The following MGAT4C variants were observed in gnomAD, a reference collection of about 807,000 sequenced individuals.
The protein encoded by MGAT4C is alpha-1,3-mannosyl-glycoprotein 4-beta-N-acetylglucosaminyltransferase C.
A neutral mutation model predicts 40.1 loss-of-function variants in MGAT4C; 19 were observed. The observed-to-expected ratio is 0.47, with a 90% CI of 0.33 to 0.70. The LOEUF (loss-of-function observed/expected upper bound fraction) is 0.70, where lower values mean the gene tolerates loss of function less well. Ranked by LOEUF, MGAT4C falls within the 30% of genes least tolerant of loss-of-function variation. The pLI is 0.02. For missense variants in MGAT4C, 491 were observed against 563.2 expected (o/e 0.87, Z 1.30); for synonymous variants, 181 against 187.1 (o/e 0.97, Z 0.27).
At chr12:86,377,794 T>G (rs1021338098) in intron 3 of MGAT4C, among the ~76,000 whole-genome samples, 1 of 152,150 alleles carries the variant, frequency 6.6e-6, no homozygotes, top group South Asian at 2.1e-4. Flanking sequence ...TCACTACCCA[T>G]CTTGAGAACT....
intron 2 of MGAT4C, among the ~76,000 whole-genome samples, chr12:86,023,605 C>T (rs550182650): frequency 3.0e-4 from 36 of 121,482 alleles, no homozygotes; most frequent in East Asian, 4.0e-4. Context: ...TAAATACTTA[C>T]GTAATCATAT....
chr12:86,012,782 ACCACC>A (rs1565857886), intron 2 of MGAT4C, among the ~76,000 whole-genome samples: 16,490 of 135,210 alleles, frequency 0.12, 1,018 homozygotes, highest in Non-Finnish European at 0.16. Flanking sequence ...AACAACAACC[ACCACC>A]ACCACCACCA....
intron 2 of MGAT4C, among the ~76,000 whole-genome samples, chr12:86,638,854 G>A (rs1057133332): frequency 1.3e-5 from 2 of 151,670 alleles, no homozygotes; most frequent in African/African-American, 4.8e-5. Context: ...TTTCTGCACT[G>A]CTGTGAAACT....
intron 2 of MGAT4C, among the ~76,000 whole-genome samples, chr12:86,707,661 G>A (rs978509554): frequency 2.0e-5 from 3 of 151,782 alleles, no homozygotes; most frequent in African/African-American, 7.3e-5. Flanking sequence ...CTCCCAAGTA[G>A]CTGGGGTTAC....
intron 4 of MGAT4C, among the ~76,000 whole-genome samples, chr12:86,281,425 GATAGAA>G (rs1161836640): frequency 1.3e-5 from 2 of 151,780 alleles, no homozygotes; most frequent in Non-Finnish European, 2.9e-5. Context: ...TATGGATGTA[GATAGAA>G]ATAGAGATAT....
chr12:86,331,159 C>T (rs972832652), intron 4 of MGAT4C, among the ~76,000 whole-genome samples: 1 of 152,034 alleles, frequency 6.6e-6, no homozygotes, highest in Non-Finnish European at 1.5e-5. Flanking sequence ...GGAAGAGGGC[C>T]AAGCAGGCAA....
chr12:86,707,360 AG>A (rs1950476174), intron 2 of MGAT4C, among the ~76,000 whole-genome samples: 1 of 152,098 alleles, frequency 6.6e-6, no homozygotes, highest in African/African-American at 2.4e-5. Context: ...GTATAGGCTG[AG>A]GTGGTCTCAG....
Position 86,347,123 on chromosome 12 carries a change from C to T in MGAT4C, c.-119-12996G>A, listed in dbSNP as rs116597388. The stretch of plus-strand genomic sequence containing the variant: ...GCCTCTTTGCTCCTTAAATTGCAGA[C>T]GGCCTATGGTGGGACTTTACCTGTT... On this transcript the variant is annotated intron_variant, in intron 3 of 7. Transcript: ENST00000548651. 5.3e-3 allele frequency among the ~76,000 whole-genome samples: 812 copies of T among 152,206 alleles called. 5 individuals carry two copies. Among genetic ancestry groups the T allele is most frequent in the African/African-American group, 0.018 (759 of 41,538 alleles).
intron 3 of MGAT4C, among the ~76,000 whole-genome samples, chr12:86,417,770 A>G (rs1956745623): frequency 6.6e-6 from 1 of 152,104 alleles, no homozygotes; most frequent in South Asian, 2.1e-4. Flanking sequence ...TTCTTTTAAT[A>G]AGAATATTAA....
rs1269652019 is a variant in MGAT4C, at chr12:85,974,987, A to C, written c.*4302T>G. 1.3e-5 allele frequency: 2 copies of C among 150,730 alleles called. No homozygotes were observed. Among genetic ancestry groups the C allele is most frequent in the South Asian group, 4.1e-4 (2 of 4,826 alleles). 9.3% of individuals were successfully genotyped at this position (150,730 alleles called of 1,614,324 possible). A position where few individuals can be genotyped will look rare whatever the true frequency, so the allele number is the denominator to read the frequency against. On this transcript the variant is annotated 3_prime_UTR_variant, in exon 5 of 5. Transcript: ENST00000611864. ...GACTGCATTTCTGAGCTTAAGGTAG[A>C]TTCTAAACAACATCTTAGAAACTAG...
intron 2 of MGAT4C, among the ~76,000 whole-genome samples, chr12:86,488,188 T>A (rs940834881): frequency 2.0e-5 from 3 of 151,686 alleles, no homozygotes; most frequent in Non-Finnish European, 2.9e-5. Context: ...ACATAGTGAA[T>A]TCTCAGTATG....
intron 1 of MGAT4C, among the ~76,000 whole-genome samples, chr12:86,143,634 T>A (rs2135745653): frequency 6.6e-6 from 1 of 152,306 alleles, no homozygotes; most frequent in African/African-American, 2.4e-5. Context: ...ATGAGATTTT[T>A]ATTTTGGCTT....
intron 4 of MGAT4C, among the ~76,000 whole-genome samples, chr12:86,268,614 G>T (rs941912079): frequency 7.1e-6 from 1 of 139,910 alleles, no homozygotes; most frequent in Non-Finnish European, 1.6e-5. Flanking sequence ...ATATTTTGTT[G>T]TAGTTATTTA....
intron 1 of MGAT4C, among the ~76,000 whole-genome samples, chr12:86,149,583 C>G (rs888425908): frequency 2.6e-5 from 4 of 152,042 alleles, no homozygotes; most frequent in African/African-American, 9.7e-5. Flanking sequence ...ATTTAGCATG[C>G]CATAGCTATG....
intron 2 of MGAT4C, among the ~76,000 whole-genome samples, chr12:86,540,689 T>C (rs143638092): frequency 8.6e-4 from 131 of 151,958 alleles, no homozygotes; most frequent in African/African-American, 2.9e-3. Flanking sequence ...TGAGCCGAGA[T>C]TGCACCACTG....
In MGAT4C at chr12:85,959,929, G is replaced by A. The variant is rs1883021184; in HGVS notation, c.*19360C>T. The A allele has an allele frequency of 6.6e-6, 1 of 151,738 alleles. No homozygotes were observed. Among genetic ancestry groups the A allele is most frequent in the Non-Finnish European group, 1.5e-5 (1 of 67,874 alleles). The allele number at this position is 151,738 out of a possible 1,614,324, so 9.4% of individuals were successfully genotyped here. On this transcript the variant is annotated 3_prime_UTR_variant, in exon 5 of 5. Coordinates refer to ENST00000611864, the MANE Select transcript of MGAT4C (RefSeq NM_001351288.2). ...TCTAAACTTATTTAGATCAAGGTCA[G>A]TTTTTTTACTCCTCTGTAGAACTGT...
intron 2 of MGAT4C, among the ~76,000 whole-genome samples, chr12:86,041,288 T>A (rs1891813694): frequency 6.6e-6 from 1 of 151,110 alleles, no homozygotes; most frequent in Non-Finnish European, 1.5e-5. Context: ...TTTTGTTGAT[T>A]TTTTTTTATG....
chr12:86,037,520 T>G (rs1891358532), intron 2 of MGAT4C, among the ~76,000 whole-genome samples: 1 of 150,308 alleles, frequency 6.7e-6, no homozygotes, highest in Non-Finnish European at 1.5e-5. Context: ...AAAGAACATC[T>G]TTATTTCTGC....
intron 4 of MGAT4C, among the ~76,000 whole-genome samples, chr12:86,277,259 G>T (rs1953099739): frequency 6.6e-6 from 1 of 151,956 alleles, no homozygotes; most frequent in African/African-American, 2.4e-5. Context: ...GCCCATTTTT[G>T]ATTATTATTT....
Sources: allele counts gnomAD v4.1 joint callset (sites outside exome capture counted in the v4.1 genomes callset), GRCh38; gene constraint gnomAD v4.1.1; transcripts MANE v1.5; gene names NCBI Gene and HGNC (gene_info 2026-07-23, HGNC 2026-07-21).